SLC25A30: variants seen among roughly 807,000 people sequenced by gnomAD.
SLC25A30 encodes the protein kidney mitochondrial carrier protein 1.
In SLC25A30, 29 loss-of-function variants were observed where a neutral mutation model predicts 42.7. That is an observed-to-expected ratio of 0.68 (90% CI 0.51 to 0.93). The LOEUF (loss-of-function observed/expected upper bound fraction) is 0.93. Ranked by LOEUF, SLC25A30 falls within the 40% of genes least tolerant of loss-of-function variation. The pLI, the probability that SLC25A30 is intolerant of heterozygous loss-of-function variation, is 0.00. For synonymous variants in SLC25A30, 124 were observed against 131.0 expected (o/e 0.95, Z 0.37); for missense variants, 300 against 359.7 (o/e 0.83, Z 1.34).
Position 45,409,015 on chromosome 13 carries a change from C to G in SLC25A30, c.124G>C (p.Ala42Pro). The G allele has an allele frequency of 6.2e-7, 1 of 1,613,402 alleles. No homozygotes were observed. Among genetic ancestry groups the G allele is most frequent in the Non-Finnish European group, 8.5e-7 (1 of 1,179,726 alleles). The change falls in exon 3 of 10, where the codon GCA becomes CCA. Residue 42 changes from alanine to proline, a missense_variant. Coordinates refer to ENST00000519676, the MANE Select transcript of SLC25A30 (RefSeq NM_001010875.4). Reference sequence around the variant, plus strand: ...CGGTATCTAATTTCCTTAAATTTTGCATCATTCGTCTGGCCTTGAATCTGG... The same window carrying G: ...CGGTATCTAATTTCCTTAAATTTTGGATCATTCGTCTGGCCTTGAATCTGG... ...RLQIQGQTNDAKFKEIRYRGM... is the reference protein window; with the variant it reads ...RLQIQGQTNDPKFKEIRYRGM...
chr13:45,421,666 A>C (rs1883895484), upstream of SLC25A30, among the ~76,000 whole-genome samples: 1 of 152,158 alleles, frequency 6.6e-6, no homozygotes, highest in African/African-American at 2.4e-5. Flanking sequence ...AAATGGAAAC[A>C]ATACCCTCCC....
At chr13:45,423,813 A>AAATATAAATATATATTTATATATATAT in the SLC25A30 span, among the ~76,000 whole-genome samples, 1 of 38,256 alleles carries the variant, frequency 2.6e-5, no homozygotes, top group Non-Finnish European at 5.6e-5. Flanking sequence ...TATATATATA[A>AAATATAAATATATATTTATATATATAT]AAATATAAAT....
chr13:45,423,749 A>T, the SLC25A30 span, among the ~76,000 whole-genome samples: 41 of 49,134 alleles, frequency 8.3e-4, 2 homozygotes, highest in African/African-American at 1.3e-3. Flanking sequence ...TAAATATATA[A>T]ATATATATAA....
Position 45,409,021 on chromosome 13 carries a change from T to G in SLC25A30, c.118A>C (p.Asn40His). 6.2e-7 allele frequency: 1 copy of G among 1,613,458 alleles called. No homozygotes were observed. The highest frequency in any genetic ancestry group is 8.5e-7 in the Non-Finnish European group (1 of 1,179,744). The change falls in exon 3 of 10, where the codon AAT (asparagine) becomes CAT (histidine). Residue 40 changes from asparagine to histidine, a missense_variant. Coordinates refer to ENST00000519676, the MANE Select transcript of SLC25A30 (RefSeq NM_001010875.4). ...KTRLQIQGQTNDAKFKEIRYR... is the reference protein window; with the variant it reads ...KTRLQIQGQTHDAKFKEIRYR... ...CTAATTTCCTTAAATTTTGCATCAT[T>G]CGTCTGGCCTTGAATCTGGAGCCGT...
intron 6 of SLC25A30, 53 bp downstream of exon 6, chr13:45,402,221 CA>C: frequency 1.4e-6 from 2 of 1,432,644 alleles, no homozygotes; most frequent in South Asian, 2.4e-5. Flanking sequence ...CAAGTAAATT[CA>C]AAAAAGGAAA....
At chr13:45,409,809 CAAAAT>C (rs1023576568) in intron 2 of SLC25A30, among the ~76,000 whole-genome samples, 2 of 151,904 alleles carry the variant, frequency 1.3e-5, no homozygotes, top group African/African-American at 4.8e-5. Context: ...ACTCTGTCTC[CAAAAT>C]AAAATAAAAT....
chr13:45,405,198 T>A (rs1882384964), intron 4 of SLC25A30, among the ~76,000 whole-genome samples: 1 of 152,194 alleles, frequency 6.6e-6, no homozygotes, highest in African/African-American at 2.4e-5. Context: ...GCACTGGGAT[T>A]ACAGGCACGC....
chr13:45,421,346 T>A (rs1593639525), upstream of SLC25A30, among the ~76,000 whole-genome samples: 1 of 125,522 alleles, frequency 8.0e-6, no homozygotes, highest in Non-Finnish European at 1.5e-5. Flanking sequence ...GCTACTGCAC[T>A]CCAGCCTGGG....
chr13:45,397,493 C>A, intron 8 of SLC25A30, 155 bp from the exon 9 acceptor site: 1 of 568,252 alleles, frequency 1.8e-6, no homozygotes, highest in Non-Finnish European at 3.1e-6. Flanking sequence ...GAGATCAAGA[C>A]CATCCTGGCT....
chr13:45,427,909 A>AT, the SLC25A30 span, among the ~76,000 whole-genome samples: 1 of 151,692 alleles, frequency 6.6e-6, no homozygotes, highest in Non-Finnish European at 1.5e-5. Flanking sequence ...ACTCCGGATA[A>AT]TTTTGTATTT....
intron 4 of SLC25A30, among the ~76,000 whole-genome samples, chr13:45,405,625 C>G (rs907529878): frequency 5.9e-5 from 9 of 152,184 alleles, no homozygotes; most frequent in Non-Finnish European, 1.3e-4. Flanking sequence ...AACAACACAT[C>G]CCCTGGTCTA....
At chr13:45,425,297 T>A in the SLC25A30 span, among the ~76,000 whole-genome samples, 1 of 99,848 alleles carries the variant, frequency 1.0e-5, no homozygotes, top group South Asian at 2.6e-4. Flanking sequence ...TACGTATATA[T>A]ACGTATATAT....
rs764459489 is a variant in SLC25A30 at position 45,404,411 on chromosome 13, A to C, written c.309T>G (p.Asp103Glu). Reference sequence around the variant, plus strand: ...ATATCACATTTATCGGTAGAGTTTCATCTGTAAACAATGACACATTATTTG... The same window carrying C: ...ATATCACATTTATCGGTAGAGTTTCCTCTGTAAACAATGACACATTATTTG... ...LKRLFIERPE[D>E]ETLPINVICG... Residue 103 changes from aspartate (D) to glutamate (E), a missense_variant and splice_region_variant, in exon 5 of 10, where the codon GAT (aspartate) becomes GAG (glutamate). Transcript: ENST00000519676. 1.7e-5 allele frequency: 28 copies of C among 1,607,554 alleles called. No individual in the cohort carries two copies. The highest frequency in any genetic ancestry group is 2.4e-5 in the Non-Finnish European group (28 of 1,174,280).
the SLC25A30 span, among the ~76,000 whole-genome samples, chr13:45,423,944 A>C: frequency 2.3e-5 from 1 of 43,758 alleles, no homozygotes; most frequent in Non-Finnish European, 5.2e-5. Context: ...TAAATATATA[A>C]AAAAATATAT....
rs772418892 is a variant in SLC25A30, at chr13:45,399,025, ACAT to A, written c.665_667del (p.Asp222del). The A allele has an allele frequency of 6.2e-7, 1 of 1,613,870 alleles. No individual in the cohort carries two copies. The highest frequency in any genetic ancestry group is 8.5e-7 in the Non-Finnish European group (1 of 1,179,936). ...CTGATTCATCATACGTGTCCTCACAACATCAACAGGGTTTGAGGCCAGGGCCCC... is the reference window on the plus strand; with the variant it reads ...CTGATTCATCATACGTGTCCTCACAACAACAGGGTTTGAGGCCAGGGCCCC... On this transcript the variant is annotated inframe_deletion, in exon 8 of 10. Coordinates refer to ENST00000519676, the MANE Select transcript of SLC25A30 (RefSeq NM_001010875.4).
intron 5 of SLC25A30, among the ~76,000 whole-genome samples, 191 bp downstream of exon 5, chr13:45,404,136 C>G (rs1008272257): frequency 1.3e-5 from 2 of 152,172 alleles, no homozygotes; most frequent in African/African-American, 2.4e-5. Context: ...AAAATGAGCT[C>G]TGCTTTTGAG....
At chr13:45,415,899 A>C (rs1194655860) in intron 1 of SLC25A30, among the ~76,000 whole-genome samples, 1 of 145,266 alleles carries the variant, frequency 6.9e-6, no homozygotes, top group Non-Finnish European at 1.5e-5. Context: ...TCCCAGGTTC[A>C]AGCAATTCTC....
At chr13:45,425,598 A>T in the SLC25A30 span, among the ~76,000 whole-genome samples, 765 of 60,244 alleles carry the variant, frequency 0.013, 72 homozygotes, top group African/African-American at 0.05. Flanking sequence ...ATATATATAC[A>T]TATATATATA....
chr13:45,419,130 TAAAAA>T (rs374462224), upstream of SLC25A30, among the ~76,000 whole-genome samples: 26 of 90,518 alleles, frequency 2.9e-4, 1 homozygote, highest in Admixed American at 7.0e-4. Flanking sequence ...TACTCCCTCT[TAAAAA>T]AAAAAAAAAA....
Sources: allele counts gnomAD v4.1 joint callset (sites outside exome capture counted in the v4.1 genomes callset), GRCh38; gene constraint gnomAD v4.1.1; transcripts MANE v1.5; gene names NCBI Gene and HGNC (gene_info 2026-07-23, HGNC 2026-07-21).